The following PTPRK variants were observed in gnomAD, a reference collection of about 807,000 sequenced individuals.
The protein encoded by PTPRK is protein tyrosine phosphatase receptor type K.
In PTPRK, 75 loss-of-function variants were observed where a neutral mutation model predicts 178.0. That is an observed-to-expected ratio of 0.42 (90% CI 0.35 to 0.51). The LOEUF (loss-of-function observed/expected upper bound fraction) is 0.51, where lower values mean the gene tolerates loss of function less well. PTPRK is among the 20% of genes least tolerant of loss of function. The pLI is 0.02. For missense variants in PTPRK, 1,441 were observed against 1,797.8 expected, an observed-to-expected ratio of 0.80 and a Z score of 3.59; for synonymous variants, 637 against 620.6, an observed-to-expected ratio of 1.03 and a Z score of -0.39.
chr6:128,083,858 G>A, intron 8 of PTPRK, 34 bp from the exon 9 acceptor site: 1 of 1,224,334 alleles, frequency 8.2e-7, no homozygotes, highest in South Asian at 1.6e-5. Context: ...TTATGAAAAT[G>A]CTTACATTAG....
At chr6:128,024,170 C>A (rs1046798552) in intron 13 of PTPRK, among the ~76,000 whole-genome samples, 1 of 152,204 alleles carries the variant, frequency 6.6e-6, no homozygotes, top group African/African-American at 2.4e-5. Flanking sequence ...CAGATGAACA[C>A]ACTAAAATAA....
chr6:128,160,467 C>A (rs1261671565), intron 7 of PTPRK, among the ~76,000 whole-genome samples: 1 of 151,604 alleles, frequency 6.6e-6, no homozygotes, highest in Non-Finnish European at 1.5e-5. Context: ...AGTGGATGAA[C>A]AACAAAGTGA....
chr6:128,246,652 C>T (rs1176867838), intron 3 of PTPRK, among the ~76,000 whole-genome samples: 1 of 152,224 alleles, frequency 6.6e-6, no homozygotes, highest in Non-Finnish European at 1.5e-5. Context: ...TTACGCAAAG[C>T]GTGCTTGGGC....
At chr6:128,103,335 A>G (rs539776351) in intron 7 of PTPRK, among the ~76,000 whole-genome samples, 1 of 152,088 alleles carries the variant, frequency 6.6e-6, no homozygotes, top group African/African-American at 2.4e-5. Context: ...GTGTGACCTG[A>G]TTCTTCCTGG....
intron 7 of PTPRK, among the ~76,000 whole-genome samples, chr6:128,155,285 C>G (rs990417482): frequency 6.6e-6 from 1 of 151,424 alleles, no homozygotes; most frequent in African/African-American, 2.4e-5. Flanking sequence ...ATTCAGTGCT[C>G]CATTTTTTGG....
At chr6:127,998,984 T>C in intron 15 of PTPRK, 80 bp from the exon 16 acceptor site, 2 of 1,192,798 alleles carry the variant, frequency 1.7e-6, no homozygotes, top group Non-Finnish European at 2.3e-6. Flanking sequence ...CAATGAAGAT[T>C]TTAAGACCTT....
intron 15 of PTPRK, among the ~76,000 whole-genome samples, chr6:128,003,015 T>C (rs1245378988): frequency 6.6e-6 from 1 of 151,900 alleles, no homozygotes; most frequent in African/African-American, 2.4e-5. Flanking sequence ...CATGCCTTGC[T>C]AATTTGAAAT....
intron 1 of PTPRK, among the ~76,000 whole-genome samples, chr6:128,448,625 C>T (rs1847340824): frequency 6.6e-6 from 1 of 152,124 alleles, no homozygotes; most frequent in Admixed American, 6.5e-5. Context: ...TCCTTACCAA[C>T]AAAAATCAAA....
intron 2 of PTPRK, among the ~76,000 whole-genome samples, chr6:128,366,360 AAT>A (rs1214436062): frequency 2.0e-5 from 3 of 152,164 alleles, no homozygotes; most frequent in Admixed American, 6.6e-5. Context: ...AATGTACATA[AAT>A]ATGTTTCACA....
At chr6:128,496,350 G>GTAGAGAA (rs1854657419) in intron 1 of PTPRK, among the ~76,000 whole-genome samples, 1 of 152,168 alleles carries the variant, frequency 6.6e-6, no homozygotes, top group Non-Finnish European at 1.5e-5. Context: ...CAGTAGTAAA[G>GTAGAGAA]TAGAGAATAG....
intron 7 of PTPRK, among the ~76,000 whole-genome samples, chr6:128,139,606 C>T (rs1164001983): frequency 1.3e-5 from 2 of 151,964 alleles, no homozygotes; most frequent in African/African-American, 4.8e-5. Flanking sequence ...TTTCTCCTTT[C>T]CCCTTTTCTC....
At chr6:128,420,147 C>T (rs570762112) in intron 1 of PTPRK, among the ~76,000 whole-genome samples, 3 of 152,268 alleles carry the variant, frequency 2.0e-5, no homozygotes, top group Admixed American at 2.0e-4. Context: ...ATGTAGCTAC[C>T]TGTTCTTCCC....
At chr6:128,244,098 C>T (rs983005562) in intron 3 of PTPRK, among the ~76,000 whole-genome samples, 51 of 152,238 alleles carry the variant, frequency 3.4e-4, no homozygotes, top group African/African-American at 1.2e-3. Context: ...GTGAATGATG[C>T]TGTCAGGATT....
At chr6:128,293,163 T>C (rs1823688736) in intron 3 of PTPRK, among the ~76,000 whole-genome samples, 1 of 152,116 alleles carries the variant, frequency 6.6e-6, no homozygotes, top group Admixed American at 6.6e-5. Context: ...GTAGCCATTG[T>C]TTTGTCATAG....
At position 128,025,003 on chromosome 6, in the gene PTPRK, C is replaced by T. The variant is rs559493930; in HGVS notation, c.2195-15735G>A. Among the ~76,000 whole-genome samples the T allele has an allele frequency of 2.0e-5, 3 of 152,262 alleles. No individual in the cohort carries two copies. The South Asian group carries it at 6.2e-4, about 32-fold the overall frequency. On this transcript the variant is annotated intron_variant, in intron 13 of 29. Coordinates refer to ENST00000368226, the MANE Select transcript of PTPRK (RefSeq NM_002844.4). The stretch of plus-strand genomic sequence containing the variant: ...TAATATTTACCTTTTCAACTAAGAT[C>T]ACACAGTACTAGTTTATTTTGCAGT...
intron 7 of PTPRK, among the ~76,000 whole-genome samples, chr6:128,184,150 G>T (rs1046624905): frequency 6.6e-5 from 10 of 152,108 alleles, no homozygotes; most frequent in African/African-American, 2.2e-4. Context: ...AGCTATCAGA[G>T]ATTTTTGGAC....
chr6:128,208,296 C>T (rs1807340451), intron 6 of PTPRK, among the ~76,000 whole-genome samples: 1 of 135,408 alleles, frequency 7.4e-6, no homozygotes, highest in Admixed American at 7.1e-5. Context: ...GTCCTACACC[C>T]TCAAAAAAAA....
chr6:128,084,934 G>A (rs1194009362), intron 8 of PTPRK: 1 of 152,112 alleles, frequency 6.6e-6, no homozygotes, highest in Non-Finnish European at 1.5e-5. Flanking sequence ...ATCCAGAAAT[G>A]TAGTTTCAAA....
rs11301155 is a variant in PTPRK at position 128,494,201 on chromosome 6, TAAAAAAAAAAAA to T, written c.100+26046_100+26057del. Reference sequence around the variant, plus strand: ...GGTAATGTAGCAAGACCCTGTATCTTAAAAAAAAAAAAAAAAAAAAAAGTGTAGTTACTTGAA... The same window carrying T: ...GGTAATGTAGCAAGACCCTGTATCTTAAAAAAAAAAGTGTAGTTACTTGAA... On this transcript the variant is annotated intron_variant, in intron 1 of 29. Coordinates refer to ENST00000368226, the MANE Select transcript of PTPRK (RefSeq NM_002844.4). Among the ~76,000 whole-genome samples the T allele has an allele frequency of 4.4e-5, 5 of 112,940 alleles. No individual in the cohort carries two copies. The South Asian group carries it at 1.2e-3, about 26-fold the overall frequency. 74.1% of individuals were successfully genotyped at this position (112,940 alleles called of 152,430 possible). A position where few individuals can be genotyped will look rare whatever the true frequency, so the allele number is the denominator to read the frequency against.
Sources: allele counts gnomAD v4.1 joint callset (sites outside exome capture counted in the v4.1 genomes callset), GRCh38; gene constraint gnomAD v4.1.1; transcripts MANE v1.5; gene names NCBI Gene and HGNC (gene_info 2026-07-23, HGNC 2026-07-21).